RPH3A: variants seen among roughly 807,000 people sequenced by gnomAD.
The protein encoded by RPH3A is rabphilin-3A.
RPH3A carries 48 observed loss-of-function variants against 102.2 expected under a neutral mutation model. That is an observed-to-expected ratio of 0.47 (90% CI 0.37 to 0.60). The LOEUF (loss-of-function observed/expected upper bound fraction) is 0.60, where lower values mean the gene tolerates loss of function less well. Among genes scored for constraint, RPH3A ranks in the 20% least tolerant of loss-of-function variants. The pLI, the probability that RPH3A is intolerant of heterozygous loss-of-function variation, is 0.00. For missense variants in RPH3A, 781 were observed against 910.1 expected (o/e 0.86, Z 1.83); for synonymous variants, 310 against 324.3 (o/e 0.96, Z 0.47).
At chr12:112,878,868 G>T (rs922496713) in intron 13 of RPH3A, among the ~76,000 whole-genome samples, 3 of 152,218 alleles carry the variant, frequency 2.0e-5, no homozygotes, top group Non-Finnish European at 4.4e-5. Flanking sequence ...CCCTCATGGG[G>T]TTCTCAATCT....
In RPH3A at chr12:112,869,999, C is replaced by T. The variant is rs563388762; in HGVS notation, c.756C>T (p.Asp252=). Residue 252 remains aspartate (D), a synonymous_variant, in exon 10 of 22, where the codon GAC becomes GAT. Transcript: ENST00000389385. ...CTAGCCGAGATTCAGAGAGCTGGGA[C>T]CACAGTGGGGGTGCTGGAGACTCCA... ...SSSSRDSESW[D]HSGGAGDSSR... 6.2e-7 allele frequency: 1 copy of T among 1,614,076 alleles called. No individual in the cohort carries two copies. The highest frequency in any genetic ancestry group is 1.3e-5 in the African/African-American group (1 of 74,990).
chr12:112,841,897 T>C, intron 4 of RPH3A: 1 of 455,910 alleles, frequency 2.2e-6, no homozygotes, highest in Non-Finnish European at 4.4e-6. Flanking sequence ...TCTCCTTCTC[T>C]CTCTCTCTGT....
chr12:112,796,862 C>A (rs781690449), intron 2 of RPH3A, among the ~76,000 whole-genome samples: 6 of 152,128 alleles, frequency 3.9e-5, no homozygotes, highest in Admixed American at 1.3e-4. Flanking sequence ...CCAGCCTGGT[C>A]AACATGGTAA....
intron 1 of RPH3A, among the ~76,000 whole-genome samples, chr12:112,678,354 AAAGG>A (rs1216789743): frequency 1.4e-5 from 2 of 145,078 alleles, no homozygotes; most frequent in Admixed American, 6.8e-5. Flanking sequence ...GGAAGGAAGG[AAAGG>A]AAGGAAGGAA....
intron 5 of RPH3A, among the ~76,000 whole-genome samples, chr12:112,855,522 T>C (rs1347545234): frequency 1.3e-5 from 2 of 152,124 alleles, no homozygotes; most frequent in Non-Finnish European, 2.9e-5. Flanking sequence ...CAGGCAGGAA[T>C]CCCATTCACC....
At chr12:112,802,841 C>T (rs944957248) in intron 2 of RPH3A, among the ~76,000 whole-genome samples, 6 of 152,144 alleles carry the variant, frequency 3.9e-5, no homozygotes, top group Non-Finnish European at 8.8e-5. Flanking sequence ...GTCCTCTCCC[C>T]AGGGCCTCTG....
chr12:112,633,002 G>T (rs1266406966), intron 1 of RPH3A, among the ~76,000 whole-genome samples: 3 of 151,960 alleles, frequency 2.0e-5, no homozygotes, highest in Non-Finnish European at 4.4e-5. Context: ...AGGCTAGCCT[G>T]GGAAACATAG....
chr12:112,812,718 A>G (rs1037940705), intron 2 of RPH3A, among the ~76,000 whole-genome samples: 31 of 152,006 alleles, frequency 2.0e-4, no homozygotes, highest in African/African-American at 7.3e-4. Flanking sequence ...CCTCACATAC[A>G]CACAAAACCC....
At chr12:112,583,190 G>A (rs569450679) in intron 1 of RPH3A, among the ~76,000 whole-genome samples, 16 of 152,170 alleles carry the variant, frequency 1.1e-4, no homozygotes, top group Admixed American at 7.9e-4. Context: ...TTGTCTGCAC[G>A]GCTAATAACG....
In RPH3A at chr12:112,861,885, C is replaced by T. The variant is rs575154817; in HGVS notation, c.231-3529C>T. Among the ~76,000 whole-genome samples the T allele has an allele frequency of 4.1e-4, 62 of 151,864 alleles. 1 individual carries two copies. The South Asian group carries it at 0.011, about 26-fold the overall frequency. On this transcript the variant is annotated intron_variant, in intron 5 of 21. Transcript: ENST00000389385. ...AAAATTAGCCAGGCGCGATGGTGGG[C>T]GCCTGTAGTCCCAGCTACTTGGGAG...
intron 1 of RPH3A, among the ~76,000 whole-genome samples, chr12:112,687,874 T>A (rs1286902215): frequency 6.6e-6 from 1 of 152,190 alleles, no homozygotes; most frequent in Non-Finnish European, 1.5e-5. Context: ...CCCCATTTCT[T>A]TGCTCATCCA....
At chr12:112,638,680 GC>G (rs367985266) in intron 1 of RPH3A, among the ~76,000 whole-genome samples, 25 of 152,270 alleles carry the variant, frequency 1.6e-4, no homozygotes, top group African/African-American at 5.8e-4. Context: ...ATGCAGAATT[GC>G]CCCCACTTTA....
intron 2 of RPH3A, among the ~76,000 whole-genome samples, chr12:112,802,807 C>G (rs2136106449): frequency 6.6e-6 from 1 of 152,254 alleles, no homozygotes; most frequent in East Asian, 1.9e-4. Flanking sequence ...TCCCCAGGGC[C>G]TCTGTCCACT....
At chr12:112,664,836 CTA>C (rs996808665) in intron 1 of RPH3A, among the ~76,000 whole-genome samples, 18 of 150,974 alleles carry the variant, frequency 1.2e-4, no homozygotes, top group Non-Finnish European at 2.4e-4. Flanking sequence ...TGCACGGCCT[CTA>C]TGTTTTTCTG....
chr12:112,578,685 A>T (rs1336554644), intron 1 of RPH3A, among the ~76,000 whole-genome samples: 2 of 152,164 alleles, frequency 1.3e-5, no homozygotes, highest in African/African-American at 4.8e-5. Context: ...AACCACTTAC[A>T]TTTTAGTCTG....
At chr12:112,621,633 G>A (rs1442881066) in intron 1 of RPH3A, among the ~76,000 whole-genome samples, 2 of 151,480 alleles carry the variant, frequency 1.3e-5, no homozygotes, top group Admixed American at 6.6e-5. Flanking sequence ...GCTGGGGGAG[G>A]GGCGCCCGCC....
intron 1 of RPH3A, among the ~76,000 whole-genome samples, chr12:112,765,839 C>T (rs192903811): frequency 4.0e-4 from 61 of 152,252 alleles, no homozygotes; most frequent in African/African-American, 1.2e-3. Flanking sequence ...CAAGGAGCAG[C>T]GGCCCATTCA....
At chr12:112,841,856 A>G (rs2042153098) in intron 4 of RPH3A, 1 of 449,024 alleles carries the variant, frequency 2.2e-6, no homozygotes, top group Non-Finnish European at 4.5e-6. Flanking sequence ...CATTCCTGCC[A>G]CTTAAAGTCA....
chr12:112,821,687 CTT>C (rs2041782326), intron 2 of RPH3A, among the ~76,000 whole-genome samples: 1 of 152,176 alleles, frequency 6.6e-6, no homozygotes, highest in Non-Finnish European at 1.5e-5. Context: ...ATCCTTCCCT[CTT>C]TTATTTTTCT....
Sources: allele counts gnomAD v4.1 joint callset (sites outside exome capture counted in the v4.1 genomes callset), GRCh38; gene constraint gnomAD v4.1.1; transcripts MANE v1.5; gene names NCBI Gene and HGNC (gene_info 2026-07-23, HGNC 2026-07-21).